The following STX8 variants were observed in gnomAD, a reference collection of about 807,000 sequenced individuals.
The protein encoded by STX8 is syntaxin 8.
In STX8, 23 loss-of-function variants were observed where a neutral mutation model predicts 37.5. The ratio of observed to expected loss-of-function variants is 0.61; its 90% confidence interval spans 0.44 to 0.87. STX8 has a LOEUF of 0.87. Among genes scored for constraint, STX8 ranks in the 40% least tolerant of loss-of-function variants. STX8 has a pLI of 0.00. For missense variants in STX8, 313 were observed against 284.7 expected, an observed-to-expected ratio of 1.10 and a Z score of -0.71; for synonymous variants, 115 against 99.1, an observed-to-expected ratio of 1.16 and a Z score of -0.95.
At chr17:9,359,095 T>C (rs1376573531) in intron 7 of STX8, among the ~76,000 whole-genome samples, 2 of 150,872 alleles carry the variant, frequency 1.3e-5, no homozygotes, top group Admixed American at 1.3e-4. Flanking sequence ...CAGGCTGGAG[T>C]GCAATGGCGC....
chr17:9,489,350 G>A (rs959137032), intron 6 of STX8, among the ~76,000 whole-genome samples: 2 of 152,156 alleles, frequency 1.3e-5, no homozygotes, highest in Non-Finnish European at 2.9e-5. Flanking sequence ...TTTAAAAGCA[G>A]CCCAGGTGAT....
At chr17:9,337,292 T>TAGG in intron 7 of STX8, among the ~76,000 whole-genome samples, 1 of 152,064 alleles carries the variant, frequency 6.6e-6, no homozygotes, top group Non-Finnish European at 1.5e-5. Flanking sequence ...TGATAACTTA[T>TAGG]TTCAATGTCC....
In STX8 at chr17:9,378,628, T is replaced by C. The variant is rs764129933; in HGVS notation, c.567A>G (p.Leu189=). Residue 189 remains leucine, a synonymous_variant, in exon 7 of 8, where the codon CTA becomes CTG. Coordinates refer to ENST00000306357, the MANE Select transcript of STX8 (RefSeq NM_004853.3). ...QNEIIDDLAN[L]VENTDEKLRN... is the part of the protein sequence containing the mutation. ...GAAGTTTTTCATCTGTGTTCTCCACTAGGTTGGCAAGGTCGTCAATTATCT... is the reference window on the plus strand; with the variant it reads ...GAAGTTTTTCATCTGTGTTCTCCACCAGGTTGGCAAGGTCGTCAATTATCT... The C allele has an allele frequency of 3.1e-6, 5 of 1,613,582 alleles. No homozygotes were observed. Among genetic ancestry groups the C allele is most frequent in the Non-Finnish European group, 3.4e-6 (4 of 1,179,706 alleles).
chr17:9,329,050 C>CAAAAAA lies in STX8; in HGVS notation c.643+49496_643+49501dup, dbSNP rs998679728. 3.5e-3 allele frequency among the ~76,000 whole-genome samples: 99 copies of CAAAAAA among 27,982 alleles called. 7 individuals carry two copies. Among genetic ancestry groups the CAAAAAA allele is most frequent in the Non-Finnish European group, 4.6e-3 (49 of 10,674 alleles). 18.4% of individuals were successfully genotyped at this position (27,982 alleles called of 152,430 possible). A position where few individuals can be genotyped will look rare whatever the true frequency, so the allele number is the denominator to read the frequency against. ...GGGCGACAAGAGCGAGATTCCATCT[C>CAAAAAA]AAAAAAAAAAAAAAAAAAAAAAAAA... On this transcript the variant is annotated intron_variant, in intron 7 of 7. Coordinates refer to ENST00000306357, the MANE Select transcript of STX8 (RefSeq NM_004853.3).
intron 6 of STX8, among the ~76,000 whole-genome samples, chr17:9,454,671 CTG>C (rs1555528791): frequency 9.0e-5 from 2 of 22,136 alleles, no homozygotes; most frequent in Non-Finnish European, 1.3e-4. Context: ...CAGAGCGAGA[CTG>C]TCTCAAAAAA....
rs532154419 is a variant in STX8 at position 9,293,748 on chromosome 17, G to A, written c.644-43103C>T. The stretch of plus-strand genomic sequence containing the variant: ...AGATGTCATGTTTAACTTTTTATGT[G>A]GTCACCATTTATAGTACTTTTTTTT... On this transcript the variant is annotated intron_variant, in intron 7 of 7. Coordinates refer to ENST00000306357, the MANE Select transcript of STX8 (RefSeq NM_004853.3). 2.0e-5 allele frequency among the ~76,000 whole-genome samples: 3 copies of A among 151,384 alleles called. No individual in the cohort carries two copies. The East Asian group carries it at 5.8e-4, about 29-fold the overall frequency.
chr17:9,543,313 A>G (rs1413684503), intron 4 of STX8, among the ~76,000 whole-genome samples: 1 of 119,804 alleles, frequency 8.3e-6, no homozygotes, highest in Non-Finnish European at 1.8e-5. Flanking sequence ...TTTTTTTTTG[A>G]GACGGAGTCT....
intron 4 of STX8, among the ~76,000 whole-genome samples, chr17:9,534,233 C>T (rs1168253362): frequency 6.6e-6 from 1 of 151,310 alleles, no homozygotes; most frequent in Non-Finnish European, 1.5e-5. Flanking sequence ...GGATTTAAAA[C>T]AGCAACCAAA....
At chr17:9,556,803 A>G (rs1433104852) in intron 3 of STX8, 1 of 112,590 alleles carries the variant, frequency 8.9e-6, no homozygotes, top group Non-Finnish European at 1.8e-5. Context: ...ATACACATAC[A>G]TATATATATA....
chr17:9,573,661 C>G lies in STX8; in HGVS notation c.17+2131G>C, dbSNP rs570524395. On this transcript the variant is annotated intron_variant, in intron 1 of 7. Transcript: ENST00000306357. ...TTTCTAAATTGACTGAGACCTGTCTCAGATACTTTGGGGTTCACAGTATCA... is the reference window on the plus strand; with the variant it reads ...TTTCTAAATTGACTGAGACCTGTCTGAGATACTTTGGGGTTCACAGTATCA... Among the ~76,000 whole-genome samples, 3 of 152,288 alleles carry G rather than the reference C, an allele frequency of 2.0e-5. No individual in the cohort carries two copies. The East Asian group carries it at 5.8e-4, about 29-fold the overall frequency.
At chr17:9,319,479 G>A (rs772305937) in intron 7 of STX8, among the ~76,000 whole-genome samples, 15 of 151,898 alleles carry the variant, frequency 9.9e-5, no homozygotes, top group Non-Finnish European at 1.5e-4. Flanking sequence ...CTGCATTATC[G>A]ATACCTGGAA....
Position 9,549,128 on chromosome 17 carries a change from T to C in STX8, c.213-3846A>G, listed in dbSNP as rs575111728. Among the ~76,000 whole-genome samples, 4 of 152,164 alleles carry C rather than the reference T, an allele frequency of 2.6e-5. No homozygotes were observed. In the East Asian group the frequency reaches 5.8e-4, roughly 22 times the overall value. On this transcript the variant is annotated intron_variant, in intron 3 of 7. Coordinates refer to ENST00000306357, the MANE Select transcript of STX8 (RefSeq NM_004853.3). Reference sequence around the variant, plus strand: ...ACCATTAACACTTAACTATAAAGAATGAGATGAGACAGGATAGAATAAGGA... The same window carrying C: ...ACCATTAACACTTAACTATAAAGAACGAGATGAGACAGGATAGAATAAGGA...
At chr17:9,451,149 T>C (rs1422081634) in intron 6 of STX8, among the ~76,000 whole-genome samples, 1 of 152,218 alleles carries the variant, frequency 6.6e-6, no homozygotes, top group Non-Finnish European at 1.5e-5. Context: ...AGCATTTATC[T>C]TGGGAATTAT....
chr17:9,345,846 TCC>T (rs1910512090), intron 7 of STX8, among the ~76,000 whole-genome samples: 1 of 116,502 alleles, frequency 8.6e-6, no homozygotes, highest in African/African-American at 3.3e-5. Flanking sequence ...GGTTATGCAT[TCC>T]TTTTTTTTTT....
intron 7 of STX8, among the ~76,000 whole-genome samples, chr17:9,291,640 C>CT (rs1908315655): frequency 6.6e-6 from 1 of 152,084 alleles, no homozygotes; most frequent in East Asian, 1.9e-4. Context: ...ATTTTCTATT[C>CT]TTTAACAGCT....
chr17:9,555,317 ACTCT>A (rs1331487800), intron 3 of STX8: 3 of 152,092 alleles, frequency 2.0e-5, no homozygotes, highest in Non-Finnish European at 4.4e-5. Flanking sequence ...TATTCTTAGT[ACTCT>A]CTAATAACTA....
At chr17:9,324,126 T>TCTCACA (rs753293143) in intron 7 of STX8, among the ~76,000 whole-genome samples, 6 of 135,512 alleles carry the variant, frequency 4.4e-5, no homozygotes, top group East Asian at 2.0e-4. Context: ...TCTCTCTCTC[T>TCTCACA]CACACACACA....
chr17:9,541,486 G>GCCT (rs1906275382), intron 4 of STX8, among the ~76,000 whole-genome samples: 1 of 152,136 alleles, frequency 6.6e-6, no homozygotes, highest in East Asian at 1.9e-4. Context: ...TATTTATAAA[G>GCCT]GTCTTAGAGT....
chr17:9,512,223 C>T (rs993862325), intron 4 of STX8, among the ~76,000 whole-genome samples: 3 of 152,082 alleles, frequency 2.0e-5, no homozygotes, highest in Non-Finnish European at 2.9e-5. Context: ...ACATTCTTCA[C>T]AGCAATAGAA....
Sources: gnomAD v4.1 joint callset for allele counts (sites outside exome capture counted in the v4.1 genomes callset) on GRCh38, gnomAD v4.1.1 for gene constraint, MANE v1.5 for transcripts, NCBI Gene and HGNC (gene_info 2026-07-23, HGNC 2026-07-21) for gene names.